The following SSBP2 variants were observed in gnomAD, a reference collection of about 807,000 sequenced individuals.
SSBP2 encodes the protein single-stranded DNA-binding protein 2.
In SSBP2, 17 loss-of-function variants were observed where a neutral mutation model predicts 61.8. The ratio of observed to expected loss-of-function variants is 0.28; its 90% CI spans 0.19 to 0.41. The LOEUF (loss-of-function observed/expected upper bound fraction) is 0.41. Ranked by LOEUF, SSBP2 falls within the 10% of genes least tolerant of loss-of-function variation. The probability of loss-of-function intolerance (pLI) is 1.00; values close to 1 mark genes in which losing one functional copy is unlikely to be tolerated. For missense variants in SSBP2, 310 were observed against 458.7 expected (o/e 0.68, Z 2.96); for synonymous variants, 139 against 141.3 (o/e 0.98, Z 0.12).
chr5:81,477,790 C>A (rs1765693175), intron 6 of SSBP2, among the ~76,000 whole-genome samples: 1 of 152,044 alleles, frequency 6.6e-6, no homozygotes. Context: ...TCTGTGCCTA[C>A]TGTCACAGAA....
At chr5:81,473,649 T>G in intron 8 of SSBP2, 51 bp downstream of exon 8, 1 of 1,502,014 alleles carries the variant, frequency 6.7e-7, no homozygotes, top group Non-Finnish European at 9.3e-7. Flanking sequence ...TTGATGGGCA[T>G]TTGGGTTGGT....
chr5:81,446,874 G>A lies in SSBP2; in HGVS notation c.772C>T (p.Pro258Ser). ...GCTAGTTTGATTACAATACCTGCTG[G>A]ACTAGGCATGATGGGTGTTCCTGGT... Residue 258 changes from proline (P) to serine (S), a missense_variant, in exon 12 of 17, where the codon CCA (proline) becomes TCA (serine). Transcript: ENST00000320672. The A allele has an allele frequency of 6.2e-7, 1 of 1,608,264 alleles. No homozygotes were observed. The highest frequency in any genetic ancestry group is 8.5e-7 in the Non-Finnish European group (1 of 1,177,698).
chr5:81,581,810 G>T (rs1774668714), intron 4 of SSBP2, among the ~76,000 whole-genome samples: 2 of 152,032 alleles, frequency 1.3e-5, no homozygotes, highest in Non-Finnish European at 2.9e-5. Context: ...TTTAAAAGAT[G>T]AAAAGGTCAC....
At chr5:81,641,908 A>G (rs1748823715) in intron 2 of SSBP2, among the ~76,000 whole-genome samples, 1 of 152,218 alleles carries the variant, frequency 6.6e-6, no homozygotes, top group African/African-American at 2.4e-5. Context: ...TATGTATAGC[A>G]TAAAACCTTT....
At chr5:81,421,490 GCCTGTGACTCTAACT>G (rs1364420390) in intron 16 of SSBP2, among the ~76,000 whole-genome samples, 1 of 152,150 alleles carries the variant, frequency 6.6e-6, no homozygotes, top group Non-Finnish European at 1.5e-5. Context: ...CCTGTGCTCG[GCCTGTGACTCTAACT>G]GTAATCCAGT....
At chr5:81,730,483 C>G (rs1009310832) in intron 1 of SSBP2, among the ~76,000 whole-genome samples, 1 of 152,166 alleles carries the variant, frequency 6.6e-6, no homozygotes, top group African/African-American at 2.4e-5. Flanking sequence ...CCTCGGCCTC[C>G]CAAAGTGCTG....
At chr5:81,465,191 A>C (rs920436899) in intron 9 of SSBP2, among the ~76,000 whole-genome samples, 1 of 152,006 alleles carries the variant, frequency 6.6e-6, no homozygotes, top group Non-Finnish European at 1.5e-5. Flanking sequence ...TGGAGATCAG[A>C]GTCTGTAAGG....
intron 4 of SSBP2, among the ~76,000 whole-genome samples, chr5:81,607,252 C>T (rs1473529047): frequency 6.6e-6 from 1 of 151,980 alleles, no homozygotes; most frequent in Non-Finnish European, 1.5e-5. Context: ...ATAAACAGGA[C>T]AAGATAATAA....
At chr5:81,590,705 T>G (rs966638296) in intron 4 of SSBP2, among the ~76,000 whole-genome samples, 2 of 152,162 alleles carry the variant, frequency 1.3e-5, no homozygotes, top group African/African-American at 4.8e-5. Context: ...AATAGCTACT[T>G]TGAGAAAAGT....
At chr5:81,435,086 A>C (rs565016568) in intron 15 of SSBP2, among the ~76,000 whole-genome samples, 1 of 152,186 alleles carries the variant, frequency 6.6e-6, no homozygotes, top group Non-Finnish European at 1.5e-5. Context: ...TGAGATGCGT[A>C]GGAACTCATT....
intron 1 of SSBP2, among the ~76,000 whole-genome samples, chr5:81,654,120 C>T (rs552292910): frequency 1.3e-5 from 2 of 152,044 alleles, no homozygotes; most frequent in African/African-American, 4.8e-5. Flanking sequence ...CACACCACCA[C>T]ATCTGACTAA....
At chr5:81,624,131 G>T (rs895645008) in intron 3 of SSBP2, among the ~76,000 whole-genome samples, 5 of 152,034 alleles carry the variant, frequency 3.3e-5, no homozygotes, top group African/African-American at 4.8e-5. Context: ...CTACTCATCA[G>T]GAGAGTTTCA....
chr5:81,461,606 A>G (rs904342569), intron 9 of SSBP2, among the ~76,000 whole-genome samples: 1 of 152,008 alleles, frequency 6.6e-6, no homozygotes, highest in East Asian at 1.9e-4. Context: ...AAAAAACCAC[A>G]GAGTATCACA....
intron 5 of SSBP2, among the ~76,000 whole-genome samples, chr5:81,496,372 G>A (rs879791002): frequency 2.0e-4 from 30 of 152,030 alleles, no homozygotes; most frequent in Non-Finnish European, 1.6e-4. Flanking sequence ...TAGAGACAAG[G>A]TTTCACCATG....
intron 3 of SSBP2, among the ~76,000 whole-genome samples, chr5:81,633,598 T>A (rs1157763267): frequency 6.6e-6 from 1 of 152,046 alleles, no homozygotes; most frequent in East Asian, 1.9e-4. Context: ...TTCAAACACC[T>A]GGGTTCAAGT....
At chr5:81,436,955 G>C (rs550801521) in intron 15 of SSBP2, among the ~76,000 whole-genome samples, 5 of 152,082 alleles carry the variant, frequency 3.3e-5, no homozygotes, top group Non-Finnish European at 5.9e-5. Context: ...TTGGGGACTA[G>C]AATAATTATT....
rs138657652 is a variant in SSBP2 at position 81,432,673 on chromosome 5, G to A, written c.958-3990C>T. Among the ~76,000 whole-genome samples, 528 of 152,322 alleles carry A rather than the reference G, an allele frequency of 3.5e-3. 3 individuals carry two copies. Among genetic ancestry groups the A allele is most frequent in the Non-Finnish European group, 5.4e-3 (369 of 68,020 alleles). On this transcript the variant is annotated intron_variant, in intron 15 of 16. Coordinates refer to ENST00000320672, the MANE Select transcript of SSBP2 (RefSeq NM_012446.5). ...AGGCAGGAGAATTTCTTGAACCTGG[G>A]AGGTAGAGGTTGCAGCGAGCCAAGA... is the stretch of plus-strand genomic sequence containing the variant.
chr5:81,615,121 A>G, intron 4 of SSBP2: 1 of 176,924 alleles, frequency 5.7e-6, no homozygotes, highest in Non-Finnish European at 1.2e-5. Context: ...TGTGCAAGGG[A>G]GAAATTTATC....
chr5:81,504,725 T>C (rs932038851), intron 5 of SSBP2, among the ~76,000 whole-genome samples: 2 of 152,216 alleles, frequency 1.3e-5, no homozygotes, highest in African/African-American at 4.8e-5. Context: ...AATAGTTATT[T>C]ATTTTGCTCA....
Sources: allele counts gnomAD v4.1 joint callset (sites outside exome capture counted in the v4.1 genomes callset), GRCh38; gene constraint gnomAD v4.1.1; transcripts MANE v1.5; gene names NCBI Gene and HGNC (gene_info 2026-07-23, HGNC 2026-07-21).